The following BNC2 variants were observed in gnomAD, a reference collection of about 807,000 sequenced individuals.
BNC2 encodes the protein zinc finger protein basonuclin-2.
A neutral mutation model predicts 76.3 loss-of-function variants in BNC2; 20 were observed. The observed-to-expected ratio is 0.26, with a 90% confidence interval of 0.18 to 0.38. The LOEUF (loss-of-function observed/expected upper bound fraction) is 0.38. Among genes scored for constraint, BNC2 ranks in the 10% least tolerant of loss-of-function variants. The pLI, the probability that BNC2 is intolerant of heterozygous loss-of-function variation, is 1.00. For synonymous variants in BNC2, 582 were observed against 514.8 expected (o/e 1.13, Z -1.77); for missense variants, 1,382 against 1,399.8 (o/e 0.99, Z 0.20).
intron 1 of BNC2, among the ~76,000 whole-genome samples, chr9:16,857,405 C>A (rs10962643): frequency 0.39 from 57,826 of 148,924 alleles, 11,931 homozygotes; most frequent in African/African-American, 0.54. Context: ...TGAAATCGGC[C>A]GGCGGAGGTT....
At chr9:16,605,236 T>C (rs1820351240) in intron 3 of BNC2, among the ~76,000 whole-genome samples, 1 of 152,274 alleles carries the variant, frequency 6.6e-6, no homozygotes, top group South Asian at 2.1e-4. Context: ...TATATATTTC[T>C]ACTTATTTGC....
At chr9:16,735,683 A>G in intron 2 of BNC2, among the ~76,000 whole-genome samples, 1 of 151,682 alleles carries the variant, frequency 6.6e-6, no homozygotes, top group South Asian at 2.1e-4. Context: ...TTTTTGGTAG[A>G]GAGGGGGTTT....
intron 5 of BNC2, among the ~76,000 whole-genome samples, chr9:16,447,766 G>C (rs1821258069): frequency 6.6e-6 from 1 of 152,054 alleles, no homozygotes; most frequent in African/African-American, 2.4e-5. Context: ...TAGGGTTTGT[G>C]AACATTCTGC....
chr9:16,739,463 G>A (rs1587368122), intron 1 of BNC2, among the ~76,000 whole-genome samples: 1 of 152,238 alleles, frequency 6.6e-6, no homozygotes, highest in African/African-American at 2.4e-5. Context: ...AAAGTCAGGA[G>A]TTCGAGACCA....
intron 3 of BNC2, among the ~76,000 whole-genome samples, chr9:16,696,759 T>C (rs904137115): frequency 2.6e-5 from 4 of 152,186 alleles, no homozygotes; most frequent in African/African-American, 7.2e-5. Flanking sequence ...AACTATTTCA[T>C]TATTCCAGCA....
intron 5 of BNC2, among the ~76,000 whole-genome samples, chr9:16,549,236 A>G (rs1438100305): frequency 1.3e-5 from 2 of 152,216 alleles, no homozygotes; most frequent in African/African-American, 2.4e-5. Flanking sequence ...TGTCCCACAG[A>G]GAGTTAAATT....
intron 3 of BNC2, among the ~76,000 whole-genome samples, chr9:16,686,849 G>C (rs1327882521): frequency 2.6e-5 from 4 of 152,108 alleles, no homozygotes; most frequent in Non-Finnish European, 4.4e-5. Flanking sequence ...ACATTTTTAG[G>C]TCCAGTTCTC....
At chr9:16,506,848 T>A (rs1175586634) in intron 5 of BNC2, among the ~76,000 whole-genome samples, 1 of 151,896 alleles carries the variant, frequency 6.6e-6, no homozygotes, top group African/African-American at 2.4e-5. Context: ...GCCTCCTGGG[T>A]TCAAGTGATG....
intron 5 of BNC2, among the ~76,000 whole-genome samples, chr9:16,456,298 A>G (rs1180547748): frequency 1.3e-5 from 2 of 152,144 alleles, no homozygotes; most frequent in Admixed American, 1.3e-4. Context: ...GACATTGCCT[A>G]TAAATTCACA....
At chr9:16,793,648 C>CTTTTTTTTTTT (rs71327860) in intron 1 of BNC2, among the ~76,000 whole-genome samples, 2 of 55,778 alleles carry the variant, frequency 3.6e-5, no homozygotes, top group African/African-American at 5.5e-5. Context: ...CCTTCCACAT[C>CTTTTTTTTTTT]TTTTTTTTTT....
At chr9:16,486,020 T>C (rs1182967541) in intron 5 of BNC2, among the ~76,000 whole-genome samples, 1 of 152,192 alleles carries the variant, frequency 6.6e-6, no homozygotes, top group Non-Finnish European at 1.5e-5. Flanking sequence ...CTTGAGCTGA[T>C]CTTAGTTCGA....
intron 6 of BNC2, among the ~76,000 whole-genome samples, chr9:16,427,716 C>G (rs1712804842): frequency 6.6e-6 from 1 of 152,172 alleles, no homozygotes; most frequent in Non-Finnish European, 1.5e-5. Context: ...AGAATTTCAC[C>G]TTGGGTGCTC....
At chr9:16,595,199 G>A (rs1401249894) in intron 3 of BNC2, among the ~76,000 whole-genome samples, 1 of 151,914 alleles carries the variant, frequency 6.6e-6, no homozygotes, top group African/African-American at 2.4e-5. Context: ...ACCTGTCTTG[G>A]GACTGTCCAT....
chr9:16,689,346 GAA>G (rs1458364085), intron 3 of BNC2, among the ~76,000 whole-genome samples: 1 of 152,122 alleles, frequency 6.6e-6, no homozygotes, highest in Admixed American at 6.6e-5. Flanking sequence ...TAACTTGAGA[GAA>G]GAGTCATGTT....
Position 16,788,240 on chromosome 9 carries a change from G to C in BNC2, c.4-49755C>G, listed in dbSNP as rs190483008. Among the ~76,000 whole-genome samples, 7 of 152,232 alleles carry C rather than the reference G, an allele frequency of 4.6e-5. No individual in the cohort carries two copies. The East Asian group carries it at 1.4e-3, about 29-fold the overall frequency. Reference sequence around the variant, plus strand: ...GGGTAACCACAGATGAACTGACTTGGCTGATGACACTCCATAAAGAGGTCA... The same window carrying C: ...GGGTAACCACAGATGAACTGACTTGCCTGATGACACTCCATAAAGAGGTCA... On this transcript the variant is annotated intron_variant, in intron 1 of 6. Coordinates refer to ENST00000380672, the MANE Select transcript of BNC2 (RefSeq NM_017637.6).
At chr9:16,782,561 T>G (rs1826183546) in intron 1 of BNC2, among the ~76,000 whole-genome samples, 1 of 152,060 alleles carries the variant, frequency 6.6e-6, no homozygotes, top group Non-Finnish European at 1.5e-5. Context: ...CCAGAAGCAT[T>G]TGTAGCAACC....
At chr9:16,451,744 G>A (rs2131072183) in intron 5 of BNC2, among the ~76,000 whole-genome samples, 1 of 152,158 alleles carries the variant, frequency 6.6e-6, no homozygotes, top group South Asian at 2.1e-4. Flanking sequence ...CATTAAAAAT[G>A]ACCTGCCCCT....
In BNC2 at chr9:16,435,751, C is replaced by T. The variant is rs371268674; in HGVS notation, c.2443G>A (p.Gly815Ser). ...HESFTSSLNY[G>S]SPQKFSPEGD... ...TCTGGGGAGAACTTTTGAGGGCTGC[C>T]ATAATTCAGAGACGATGTAAAGCTC... Residue 815 changes from glycine to serine, a missense_variant, in exon 6 of 7, where the codon GGC becomes AGC. Gly to Ser is a moderately conservative substitution (Grantham distance 56). This residue lies in a region of BNC2 where 798 missense variants were observed against 775.5 expected (regional missense o/e 1.03). Transcript: ENST00000380672. 1.9e-6 allele frequency: 3 copies of T among 1,614,056 alleles called. No individual in the cohort carries two copies. The highest frequency in any genetic ancestry group is 2.2e-5 in the South Asian group (2 of 91,058).
intron 3 of BNC2, among the ~76,000 whole-genome samples, chr9:16,701,721 C>T (rs1028901664): frequency 1.3e-5 from 2 of 151,948 alleles, no homozygotes; most frequent in African/African-American, 4.8e-5. Context: ...GGGGGCAGAT[C>T]GTTTTAGGCC....
Sources: allele counts gnomAD v4.1 joint callset (sites outside exome capture counted in the v4.1 genomes callset), GRCh38; gene constraint gnomAD v4.1.1; regional missense constraint gnomAD v4.1.1; transcripts MANE v1.5; gene names NCBI Gene and HGNC (gene_info 2026-07-23, HGNC 2026-07-21).